Variants in LRP1B observed in about 807,000 individuals in gnomAD.
LRP1B encodes the protein low-density lipoprotein receptor-related protein 1B.
In LRP1B, 217 loss-of-function variants were observed where a neutral mutation model predicts 556.6. The ratio of observed to expected loss-of-function variants is 0.39; its 90% confidence interval spans 0.35 to 0.44. LRP1B has a LOEUF of 0.44. LRP1B is among the 20% of genes least tolerant of loss of function. LRP1B has a pLI of 1.00. For missense variants in LRP1B, 5,053 were observed against 5,620.8 expected, an observed-to-expected ratio of 0.90 and a Z score of 3.23; for synonymous variants, 2,047 against 1,865.8, an observed-to-expected ratio of 1.10 and a Z score of -2.50.
At chr2:140,946,330 T>G (rs1275280881) in intron 20 of LRP1B, among the ~76,000 whole-genome samples, 2 of 152,186 alleles carry the variant, frequency 1.3e-5, no homozygotes, top group Admixed American at 6.5e-5. Flanking sequence ...TCAGGGGCAG[T>G]GGCTCACATC....
intron 47 of LRP1B, among the ~76,000 whole-genome samples, chr2:140,532,156 T>C (rs764560842): frequency 2.6e-5 from 4 of 152,098 alleles, no homozygotes; most frequent in African/African-American, 4.8e-5. Flanking sequence ...ACCATCCTTA[T>C]TGTCTTATCC....
chr2:140,358,952 G>C lies in LRP1B; in HGVS notation c.11132-6C>G, dbSNP rs376402104. The C allele has an allele frequency of 4.0e-4, 647 of 1,603,050 alleles. No homozygotes were observed. The highest frequency in any genetic ancestry group is 5.3e-4 in the Non-Finnish European group (620 of 1,173,380). ...GGATGGACAAAGAAATTTGACTGAA[G>C]AAAAAGAAGAAAAAACAAAGAAGCT... On this transcript the variant is annotated splice_region_variant and splice_polypyrimidine_tract_variant and intron_variant, in intron 72 of 90. Coordinates refer to ENST00000389484, the MANE Select transcript of LRP1B (RefSeq NM_018557.3).
chr2:141,772,106 G>A (rs1476674860), intron 2 of LRP1B, among the ~76,000 whole-genome samples: 3 of 152,000 alleles, frequency 2.0e-5, no homozygotes, highest in African/African-American at 4.8e-5. Context: ...ATGCCCGGCC[G>A]ATGATCTCTC....
intron 79 of LRP1B, among the ~76,000 whole-genome samples, chr2:140,333,557 G>C (rs1259071706): frequency 6.6e-6 from 1 of 151,674 alleles, no homozygotes; most frequent in Non-Finnish European, 1.5e-5. Flanking sequence ...TGAATGGAAA[G>C]GTATAAAACA....
At chr2:141,598,599 T>C (rs1687606939) in intron 2 of LRP1B, among the ~76,000 whole-genome samples, 1 of 152,134 alleles carries the variant, frequency 6.6e-6, no homozygotes, top group Non-Finnish European at 1.5e-5. Context: ...AACTCAGCTA[T>C]CTCTATGGTA....
intron 42 of LRP1B, 88 bp from the exon 43 acceptor site, chr2:140,598,923 T>A (rs950583882): frequency 4.5e-5 from 37 of 827,872 alleles, no homozygotes; most frequent in Non-Finnish European, 5.8e-5. Context: ...CAAGCTATTT[T>A]AAAAGAAGCA....
intron 35 of LRP1B, among the ~76,000 whole-genome samples, chr2:140,729,861 G>T (rs1687717840): frequency 6.6e-6 from 1 of 152,174 alleles, no homozygotes. Flanking sequence ...CTAGATGAAT[G>T]AATGATCATG....
chr2:141,248,478 C>T (rs1312838113), intron 4 of LRP1B, among the ~76,000 whole-genome samples: 4 of 152,076 alleles, frequency 2.6e-5, no homozygotes, highest in East Asian at 1.9e-4. Context: ...CAGTGTGAAG[C>T]GTGATCTGGC....
intron 41 of LRP1B, chr2:140,683,823 T>C (rs1025416939): frequency 7.4e-6 from 5 of 675,468 alleles, no homozygotes; most frequent in East Asian, 2.6e-5. Context: ...ATGCCTTCCA[T>C]GCGCTAGGCA....
chr2:141,522,136 T>C (rs1268650477), intron 2 of LRP1B, among the ~76,000 whole-genome samples: 3 of 152,068 alleles, frequency 2.0e-5, no homozygotes, highest in Non-Finnish European at 4.4e-5. Flanking sequence ...TTGCTAGAAA[T>C]GCAAATTTTC....
chr2:141,069,527 T>C (rs937426724), intron 7 of LRP1B, among the ~76,000 whole-genome samples: 1 of 152,014 alleles, frequency 6.6e-6, no homozygotes, highest in Admixed American at 6.6e-5. Context: ...CTGGTACAAC[T>C]TGATTTGTTT....
intron 2 of LRP1B, among the ~76,000 whole-genome samples, chr2:141,547,900 T>C (rs1316784948): frequency 3.3e-5 from 5 of 152,146 alleles, no homozygotes; most frequent in Non-Finnish European, 7.4e-5. Context: ...TTCATATATA[T>C]TTTTCAAAAT....
intron 2 of LRP1B, among the ~76,000 whole-genome samples, chr2:141,540,850 G>A (rs1685233306): frequency 6.6e-6 from 1 of 151,904 alleles, no homozygotes; most frequent in South Asian, 2.1e-4. Context: ...TCTTATGAAA[G>A]CAATATTAAA....
intron 7 of LRP1B, among the ~76,000 whole-genome samples, chr2:141,074,914 G>A (rs1262717492): frequency 6.6e-6 from 1 of 152,100 alleles, no homozygotes; most frequent in Non-Finnish European, 1.5e-5. Flanking sequence ...CTTGTAAGGA[G>A]TAGTGATTAG....
intron 2 of LRP1B, among the ~76,000 whole-genome samples, chr2:141,484,855 G>C (rs1476420308): frequency 3.3e-5 from 5 of 152,068 alleles, no homozygotes; most frequent in African/African-American, 2.4e-5. Flanking sequence ...AGCTTAAGGA[G>C]ATTTTGGGCT....
chr2:141,559,757 G>T (rs935164237), intron 2 of LRP1B, among the ~76,000 whole-genome samples: 1 of 151,542 alleles, frequency 6.6e-6, no homozygotes, highest in African/African-American at 2.4e-5. Context: ...GGCACAATTG[G>T]CCTAAACTGC....
intron 23 of LRP1B, chr2:140,899,103 G>C (rs1282810015): frequency 4.4e-6 from 1 of 229,344 alleles, no homozygotes; most frequent in African/African-American, 2.3e-5. Context: ...TGGCCACCAA[G>C]AAGTTGCATG....
At chr2:142,047,115 G>A (rs72990361) in intron 1 of LRP1B, among the ~76,000 whole-genome samples, 3,183 of 151,998 alleles carry the variant, frequency 0.021, 125 homozygotes, top group African/African-American at 0.073. Context: ...AATCTTAATC[G>A]TGGAAATTGT....
intron 20 of LRP1B, among the ~76,000 whole-genome samples, chr2:140,927,561 T>G (rs1694923159): frequency 6.6e-6 from 1 of 152,152 alleles, no homozygotes; most frequent in Admixed American, 6.6e-5. Flanking sequence ...ATTTTTATAT[T>G]TAAATCATTG....
Sources: gnomAD v4.1 joint callset for allele counts (sites outside exome capture counted in the v4.1 genomes callset) on GRCh38, gnomAD v4.1.1 for gene constraint, MANE v1.5 for transcripts, NCBI Gene and HGNC (gene_info 2026-07-23, HGNC 2026-07-21) for gene names.